The following TNFAIP6 variants were observed in gnomAD, a reference collection of about 807,000 sequenced individuals.
The protein encoded by TNFAIP6 is tumor necrosis factor-inducible gene 6 protein.
A neutral mutation model predicts 33.7 loss-of-function variants in TNFAIP6; 36 were observed. The observed-to-expected ratio is 1.07, with a 90% CI of 0.82 to 1.41. The LOEUF is 1.41. Ranked by LOEUF, TNFAIP6 falls within the 40% of genes most tolerant of loss-of-function variation. The pLI is 0.00. For synonymous variants in TNFAIP6, 113 were observed against 112.8 expected, an observed-to-expected ratio of 1.00 and a Z score of -0.01; for missense variants, 273 against 331.9, an observed-to-expected ratio of 0.82 and a Z score of 1.38.
chr2:151,361,967 TGGCAATGTCA>T (rs1684631124), intron 1 of TNFAIP6, among the ~76,000 whole-genome samples: 2 of 152,188 alleles, frequency 1.3e-5, no homozygotes, highest in African/African-American at 4.8e-5. Context: ...TATTGAGCTG[TGGCAATGTCA>T]ACTTCAGTTT....
chr2:151,359,158 T>A (rs1684582058), intron 1 of TNFAIP6, among the ~76,000 whole-genome samples: 1 of 152,108 alleles, frequency 6.6e-6, no homozygotes, highest in Non-Finnish European at 1.5e-5. Context: ...TAATTGCAAA[T>A]TGCTTCAATC....
intron 1 of TNFAIP6, among the ~76,000 whole-genome samples, chr2:151,358,677 C>G (rs1684575219): frequency 6.6e-6 from 1 of 152,200 alleles, no homozygotes; most frequent in African/African-American, 2.4e-5. Flanking sequence ...CTAAACAGCA[C>G]AGTTGTAGAA....
chr2:151,365,413 C>T (rs769276419), intron 2 of TNFAIP6, among the ~76,000 whole-genome samples: 2 of 152,012 alleles, frequency 1.3e-5, no homozygotes, highest in Non-Finnish European at 2.9e-5. Flanking sequence ...GTGAGGTGGG[C>T]AGATCACTTG....
chr2:151,366,286 G>T (rs1216856294), intron 3 of TNFAIP6, 69 bp downstream of exon 3: 4 of 1,399,244 alleles, frequency 2.9e-6, no homozygotes, highest in Non-Finnish European at 3.9e-6. Flanking sequence ...TGTTAAAAAA[G>T]AAATGGCTAC....
chr2:151,361,777 G>A (rs529602359), intron 1 of TNFAIP6, among the ~76,000 whole-genome samples: 10 of 152,280 alleles, frequency 6.6e-5, no homozygotes, highest in South Asian at 4.1e-4. Context: ...AGGCTTTGCC[G>A]TATGAAGGAC....
intron 1 of TNFAIP6, among the ~76,000 whole-genome samples, chr2:151,362,345 T>C (rs1035793897): frequency 6.6e-6 from 1 of 152,136 alleles, no homozygotes; most frequent in African/African-American, 2.4e-5. Flanking sequence ...GATAAAAAAT[T>C]GAGGCATTAA....
At chr2:151,362,653 G>C (rs1232318281) in intron 1 of TNFAIP6, among the ~76,000 whole-genome samples, 1 of 151,680 alleles carries the variant, frequency 6.6e-6, no homozygotes, top group Non-Finnish European at 1.5e-5. Context: ...ACCACGCCTG[G>C]CTAATTTTTT....
At chr2:151,369,501 CAGTG>C (rs1029039598) in intron 3 of TNFAIP6, among the ~76,000 whole-genome samples, 12 of 152,030 alleles carry the variant, frequency 7.9e-5, no homozygotes, top group Non-Finnish European at 2.9e-5. Context: ...TGGCTGGGCA[CAGTG>C]GCTCATGTTT....
intron 2 of TNFAIP6, among the ~76,000 whole-genome samples, chr2:151,364,558 A>G (rs1684681111): frequency 1.3e-5 from 2 of 152,246 alleles, no homozygotes; most frequent in South Asian, 4.2e-4. Context: ...GTACTTCAGG[A>G]TCAAAAGCTA....
In TNFAIP6 at chr2:151,379,969, A is replaced by AT; in HGVS notation, c.*438dup. On this transcript the variant is annotated 3_prime_UTR_variant, in exon 6 of 6. Coordinates refer to ENST00000243347, the MANE Select transcript of TNFAIP6 (RefSeq NM_007115.4). ...ATTCTATGATATGAATGTTTTATGC[A>AT]TTATTTAAGCCTGTCTCTATTGTTG... 1 of 152,420 alleles carries AT rather than the reference A, an allele frequency of 6.6e-6. No individual in the cohort carries two copies. Among genetic ancestry groups the AT allele is most frequent in the African/African-American group, 2.4e-5 (1 of 41,578 alleles). The allele number at this position is 152,420 out of a possible 1,614,324, so 9.4% of individuals were successfully genotyped here.
intron 1 of TNFAIP6, among the ~76,000 whole-genome samples, chr2:151,361,687 C>A (rs1353978662): frequency 2.6e-5 from 4 of 152,012 alleles, no homozygotes; most frequent in African/African-American, 4.8e-5. Context: ...GAGGATAGAA[C>A]CTGACCCACA....
At position 151,379,397 on chromosome 2, in the gene TNFAIP6, C is replaced by A; in HGVS notation, c.698C>A (p.Ala233Asp). The change falls in exon 6 of 6, where the codon GCT becomes GAT. Residue 233 changes from alanine (A) to aspartate (D), a missense_variant. Physicochemically the swap from Ala to Asp is moderately radical, Grantham distance 126. Coordinates refer to ENST00000243347, the MANE Select transcript of TNFAIP6 (RefSeq NM_007115.4). ...NVMTLKFLSD[A>D]SVTAGGFQIK... is the part of the protein sequence containing the mutation. ...ATGACCTTGAAGTTTCTAAGTGATG[C>A]TTCAGTGACAGCTGGAGGTTTCCAA... is the stretch of plus-strand genomic sequence containing the variant. 1.2e-6 allele frequency: 2 copies of A among 1,604,090 alleles called. No individual in the cohort carries two copies. The highest frequency in any genetic ancestry group is 1.7e-5 in the Admixed American group (1 of 57,940).
At chr2:151,358,777 C>T (rs900591755) in intron 1 of TNFAIP6, among the ~76,000 whole-genome samples, 1 of 152,034 alleles carries the variant, frequency 6.6e-6, no homozygotes, top group Non-Finnish European at 1.5e-5. Context: ...ACAGCCTTGC[C>T]GCCTATTTTT....
In TNFAIP6 at chr2:151,375,027, A is replaced by T. The variant is rs1411447857; in HGVS notation, c.664+1438A>T. ...GTAATCCCAGCTACTTGGGAGGCTG[A>T]GGCAGGAGAATTGCTTGAACCCGGG... On this transcript the variant is annotated intron_variant, in intron 5 of 5. Coordinates refer to ENST00000243347, the MANE Select transcript of TNFAIP6 (RefSeq NM_007115.4). 2.7e-5 allele frequency among the ~76,000 whole-genome samples: 4 copies of T among 148,392 alleles called. No individual in the cohort carries two copies. The East Asian group carries it at 8.4e-4, about 31-fold the overall frequency.
chr2:151,373,676 G>T, intron 5 of TNFAIP6, 87 bp downstream of exon 5: 1 of 619,436 alleles, frequency 1.6e-6, no homozygotes, highest in Non-Finnish European at 2.5e-6. Context: ...ATAGTAAATA[G>T]TAGTTATTAT....
At position 151,376,858 on chromosome 2, in the gene TNFAIP6, T is replaced by C. The variant is rs926981394; in HGVS notation, c.665-2506T>C. Among the ~76,000 whole-genome samples, 5 of 144,224 alleles carry C rather than the reference T, an allele frequency of 3.5e-5. No individual in the cohort carries two copies. The East Asian group carries it at 8.0e-4, about 23-fold the overall frequency. The allele number at this position is 144,224 out of a possible 152,430, so 94.6% of individuals were successfully genotyped here. ...CTACAGTGCCAATTTACATTTCTTT[T>C]TCTTTTCTTTTTTTTTTTTTTTTTT... On this transcript the variant is annotated intron_variant, in intron 5 of 5. Transcript: ENST00000243347.
Position 151,358,735 on chromosome 2 carries a change from C to T in TNFAIP6, c.94+975C>T, listed in dbSNP as rs190827049. Among the ~76,000 whole-genome samples, 69 of 152,236 alleles carry T rather than the reference C, an allele frequency of 4.5e-4. No individual in the cohort carries two copies. The East Asian group carries it at 9.8e-3, about 22-fold the overall frequency. ...CTCTCTGGTAATAACTGCAACCATG[C>T]GGATTTCATTAAAAAGCCTAATTTG... On this transcript the variant is annotated intron_variant, in intron 1 of 5. Coordinates refer to ENST00000243347, the MANE Select transcript of TNFAIP6 (RefSeq NM_007115.4).
chr2:151,367,348 C>T (rs188366639), intron 3 of TNFAIP6, among the ~76,000 whole-genome samples: 10 of 152,284 alleles, frequency 6.6e-5, no homozygotes, highest in Non-Finnish European at 1.0e-4. Context: ...CTATACTATA[C>T]AGTACTAATT....
intron 1 of TNFAIP6, among the ~76,000 whole-genome samples, chr2:151,363,326 T>TA (rs1164886346): frequency 3.0e-4 from 45 of 148,070 alleles, no homozygotes; most frequent in African/African-American, 1.0e-3. Flanking sequence ...AATACAAAAT[T>TA]AAAAAAAATG....
Sources: gnomAD v4.1 joint callset for allele counts (sites outside exome capture counted in the v4.1 genomes callset) on GRCh38, gnomAD v4.1.1 for gene constraint, MANE v1.5 for transcripts, NCBI Gene and HGNC (gene_info 2026-07-23, HGNC 2026-07-21) for gene names.